PDE11A: variants seen among roughly 807,000 people sequenced by gnomAD.
PDE11A encodes phosphodiesterase 11A.
A neutral mutation model predicts 100.5 loss-of-function variants in PDE11A; 100 were observed. The observed-to-expected ratio is 1.00, with a 90% CI of 0.85 to 1.18. The LOEUF is 1.18. PDE11A is among the 50% of genes most tolerant of loss of function. The pLI is 0.00. For synonymous variants in PDE11A, 381 were observed against 420.8 expected, an observed-to-expected ratio of 0.91 and a Z score of 1.16; for missense variants, 1,141 against 1,152.6, an observed-to-expected ratio of 0.99 and a Z score of 0.15.
At chr2:178,089,258 T>C (rs1017113169) in intron 2 of PDE11A, among the ~76,000 whole-genome samples, 2 of 152,102 alleles carry the variant, frequency 1.3e-5, no homozygotes, top group Non-Finnish European at 2.9e-5. Flanking sequence ...TTGTTGGTGT[T>C]AGAGAAAAAA....
intron 2 of PDE11A, among the ~76,000 whole-genome samples, chr2:177,968,957 A>G (rs1454262376): frequency 6.6e-6 from 1 of 152,266 alleles, no homozygotes; most frequent in Non-Finnish European, 1.5e-5. Flanking sequence ...TACTATAAGA[A>G]CACATACACA....
In PDE11A at chr2:178,060,937, CTTTTTTTT is replaced by C. The variant is rs71010855; in HGVS notation, c.912+10581_912+10588del. Among the ~76,000 whole-genome samples, 8 of 75,678 alleles carry C rather than the reference CTTTTTTTT, an allele frequency of 1.1e-4. No homozygotes were observed. The East Asian group carries it at 1.6e-3, about 16-fold the overall frequency. 49.6% of individuals were successfully genotyped at this position (75,678 alleles called of 152,430 possible). ...TGTTACATAAGCCATTGTAAATATT[CTTTTTTTT>C]TTTTTTTTTTTTTTTTGAGACAGAG... is the stretch of plus-strand genomic sequence containing the variant. On this transcript the variant is annotated intron_variant, in intron 1 of 19. Transcript: ENST00000286063.
At chr2:178,025,243 T>G (rs2164330) in intron 1 of PDE11A, among the ~76,000 whole-genome samples, 144,152 of 152,254 alleles carry the variant, frequency 0.95, 68,750 homozygotes, top group East Asian at 1. Context: ...GTAGTTGGAA[T>G]TGGAGTATTT....
At chr2:177,945,233 G>A (rs1331295510) in intron 2 of PDE11A, among the ~76,000 whole-genome samples, 5 of 151,114 alleles carry the variant, frequency 3.3e-5, no homozygotes, top group Non-Finnish European at 5.9e-5. Context: ...GCCTCTGCCC[G>A]GCCGCCACCC....
chr2:177,740,347 C>A (rs111742378), intron 10 of PDE11A, among the ~76,000 whole-genome samples: 6 of 152,246 alleles, frequency 3.9e-5, no homozygotes, highest in African/African-American at 1.2e-4. Context: ...GACAGGTTGG[C>A]TAGTTTTGTT....
intron 10 of PDE11A, among the ~76,000 whole-genome samples, chr2:177,735,679 C>G (rs774987486): frequency 6.6e-6 from 1 of 152,210 alleles, no homozygotes; most frequent in Non-Finnish European, 1.5e-5. Flanking sequence ...AAGACTTCCT[C>G]TAATAGGCTT....
chr2:178,096,169 C>CTTTTTTTTTT lies in PDE11A; in HGVS notation c.162+8123_162+8132dup, dbSNP rs71010857. Among the ~76,000 whole-genome samples, 67 of 120,120 alleles carry CTTTTTTTTTT rather than the reference C, an allele frequency of 5.6e-4. 1 individual carries two copies. The highest frequency in any genetic ancestry group is 1.3e-3 in the African/African-American group (39 of 31,008). 78.8% of individuals were successfully genotyped at this position (120,120 alleles called of 152,430 possible). On this transcript the variant is annotated intron_variant, in intron 2 of 20. Transcript: ENST00000358450. ...AGAAAACAGGTTTTTCTTTTCTTTT[C>CTTTTTTTTTT]TTTTTTTTTTTTGAGATGGAGTCTC...
chr2:177,972,340 A>G (rs923778561), intron 2 of PDE11A, among the ~76,000 whole-genome samples: 1 of 152,212 alleles, frequency 6.6e-6, no homozygotes, highest in African/African-American at 2.4e-5. Flanking sequence ...TTGCTCTAAG[A>G]TCAAGAGGAG....
intron 9 of PDE11A, among the ~76,000 whole-genome samples, chr2:177,810,225 T>C (rs1237891530): frequency 6.6e-6 from 1 of 152,208 alleles, no homozygotes; most frequent in Non-Finnish European, 1.5e-5. Context: ...CATTCCAGAA[T>C]GTTGTCATGG....
intron 2 of PDE11A, among the ~76,000 whole-genome samples, chr2:177,945,834 T>G (rs1421955412): frequency 1.5e-4 from 12 of 81,788 alleles, no homozygotes; most frequent in South Asian, 4.2e-4. Flanking sequence ...GGTGGGGGGG[T>G]CAGCCCCCCG....
intron 10 of PDE11A, among the ~76,000 whole-genome samples, chr2:177,769,063 C>CT (rs113104150): frequency 1.5e-4 from 23 of 152,154 alleles, no homozygotes; most frequent in African/African-American, 5.1e-4. Context: ...ATATTATAGA[C>CT]TTTTTTTTCC....
At chr2:177,723,976 AATTT>A (rs1246876525) in intron 12 of PDE11A, among the ~76,000 whole-genome samples, 2 of 152,076 alleles carry the variant, frequency 1.3e-5, no homozygotes, top group Admixed American at 6.6e-5. Context: ...TTATAGTTAT[AATTT>A]ATTTATTATG....
chr2:177,829,987 C>T (rs1295703814), intron 6 of PDE11A, among the ~76,000 whole-genome samples: 1 of 152,140 alleles, frequency 6.6e-6, no homozygotes, highest in Non-Finnish European at 1.5e-5. Flanking sequence ...TCACAGCCAA[C>T]TGGAGTGAGA....
intron 4 of PDE11A, among the ~76,000 whole-genome samples, chr2:177,896,700 A>G (rs1028086062): frequency 6.6e-6 from 1 of 152,214 alleles, no homozygotes; most frequent in Admixed American, 6.5e-5. Context: ...CAACCTTCTG[A>G]GCCTTATTTC....
At chr2:177,641,456 G>A (rs2080142202) in intron 19 of PDE11A, among the ~76,000 whole-genome samples, 1 of 147,620 alleles carries the variant, frequency 6.8e-6, no homozygotes, top group Non-Finnish European at 1.5e-5. Context: ...GACTCCACAT[G>A]GTGCGTTTGG....
chr2:177,919,844 T>G (rs185563363), intron 2 of PDE11A, among the ~76,000 whole-genome samples: 1 of 152,214 alleles, frequency 6.6e-6, no homozygotes, highest in East Asian at 1.9e-4. Flanking sequence ...TAGTCAATAT[T>G]AAATGAAACG....
chr2:177,915,424 T>G (rs1442823951), intron 2 of PDE11A, among the ~76,000 whole-genome samples: 1 of 152,222 alleles, frequency 6.6e-6, no homozygotes, highest in Non-Finnish European at 1.5e-5. Context: ...TTCCAGAATG[T>G]CACATAGTTG....
At chr2:177,902,838 G>A (rs1030082053) in intron 3 of PDE11A, among the ~76,000 whole-genome samples, 9 of 152,140 alleles carry the variant, frequency 5.9e-5, no homozygotes, top group Non-Finnish European at 1.2e-4. Context: ...GAGGAAATCT[G>A]TCACTTCTCA....
chr2:178,077,672 T>C (rs1390895837), upstream of PDE11A, among the ~76,000 whole-genome samples: 1 of 152,184 alleles, frequency 6.6e-6, no homozygotes, highest in Non-Finnish European at 1.5e-5. Context: ...AATGTCACCT[T>C]ACTGGGAAGA....
Sources: gnomAD v4.1 joint callset for allele counts (sites outside exome capture counted in the v4.1 genomes callset) on GRCh38, gnomAD v4.1.1 for gene constraint, MANE v1.5 for transcripts, NCBI Gene and HGNC (gene_info 2026-07-23, HGNC 2026-07-21) for gene names.